The following FANCL variants were observed in gnomAD, a reference collection of about 807,000 sequenced individuals.
FANCL encodes the protein FA complementation group L.
In FANCL, 69 loss-of-function variants were observed where a neutral mutation model predicts 59.4. That is an observed-to-expected ratio of 1.16 (90% CI 0.96 to 1.42). FANCL has a LOEUF of 1.42. Ranked by LOEUF, FANCL falls within the 40% of genes most tolerant of loss-of-function variation. The pLI is 0.00. For missense variants in FANCL, 519 were observed against 447.2 expected, an observed-to-expected ratio of 1.16 and a Z score of -1.45; for synonymous variants, 180 against 147.1, an observed-to-expected ratio of 1.22 and a Z score of -1.62.
intron 1 of FANCL, among the ~76,000 whole-genome samples, chr2:58,236,158 A>G (rs1694003049): frequency 2.0e-5 from 3 of 152,132 alleles, no homozygotes; most frequent in Admixed American, 6.5e-5. Context: ...TACGGAGGAA[A>G]AACATGAAAA....
chr2:58,167,960 A>C (rs1686124917), intron 7 of FANCL, among the ~76,000 whole-genome samples: 2 of 152,118 alleles, frequency 1.3e-5, no homozygotes, highest in Admixed American at 6.6e-5. Flanking sequence ...CCTTATTTTG[A>C]ATTTTTTCCC....
chr2:58,178,923 T>C (rs1207212693), intron 7 of FANCL, among the ~76,000 whole-genome samples: 1 of 152,076 alleles, frequency 6.6e-6, no homozygotes, highest in Non-Finnish European at 1.5e-5. Context: ...TCACAAGCAT[T>C]CTTATACACC....
chr2:58,171,994 T>C (rs1025489369), intron 7 of FANCL, among the ~76,000 whole-genome samples: 6 of 152,340 alleles, frequency 3.9e-5, no homozygotes, highest in African/African-American at 1.2e-4. Context: ...GCCTCCTTCA[T>C]TGCTAGCACA....
Position 58,189,203 on chromosome 2 carries a change from A to G in FANCL, c.540+9391T>C, listed in dbSNP as rs1366415873. On this transcript the variant is annotated intron_variant, in intron 7 of 13. Coordinates refer to ENST00000233741, the MANE Select transcript of FANCL (RefSeq NM_018062.4). The stretch of plus-strand genomic sequence containing the variant: ...TGTGGTGACAATTTAATGTGTGTAG[A>G]TATTTGTCAAAACTCAGCAAAGTGT... Among the ~76,000 whole-genome samples, 3 of 152,158 alleles carry G rather than the reference A, an allele frequency of 2.0e-5. No homozygotes were observed. In the East Asian group the frequency reaches 5.8e-4, roughly 29 times the overall value.
At chr2:58,222,105 G>T in intron 4 of FANCL, 63 bp from the exon 5 acceptor site, 3 of 1,131,944 alleles carry the variant, frequency 2.7e-6, no homozygotes, top group Non-Finnish European at 4.0e-6. Context: ...GTTAATACCT[G>T]ATTGCAAAAC....
chr2:58,230,141 T>C (rs968817800), intron 2 of FANCL, among the ~76,000 whole-genome samples: 2 of 152,212 alleles, frequency 1.3e-5, no homozygotes, highest in African/African-American at 4.8e-5. Flanking sequence ...GAAGCAAAGT[T>C]TTCCACTGAA....
intron 4 of FANCL, among the ~76,000 whole-genome samples, chr2:58,224,341 A>C (rs1295575870): frequency 6.6e-6 from 1 of 151,902 alleles, no homozygotes; most frequent in Non-Finnish European, 1.5e-5. Flanking sequence ...GATGTAAACC[A>C]AATATGCTTC....
chr2:58,208,568 T>C (rs1363007020), intron 5 of FANCL, among the ~76,000 whole-genome samples: 1 of 152,192 alleles, frequency 6.6e-6, no homozygotes, highest in Non-Finnish European at 1.5e-5. Flanking sequence ...TTAAGTTATT[T>C]AGCTTTTATT....
chr2:58,240,110 TAAAAAA>T (rs79031739), intron 1 of FANCL, among the ~76,000 whole-genome samples: 4 of 130,682 alleles, frequency 3.1e-5, no homozygotes, highest in Non-Finnish European at 3.3e-5. Flanking sequence ...ATGCTTCCTG[TAAAAAA>T]AAAAAAAAAA....
intron 5 of FANCL, among the ~76,000 whole-genome samples, chr2:58,210,821 A>G (rs1216467829): frequency 6.6e-6 from 1 of 152,114 alleles, no homozygotes; most frequent in African/African-American, 2.4e-5. Context: ...CTCCAAAATG[A>G]TCTCCTTTGA....
intron 5 of FANCL, among the ~76,000 whole-genome samples, chr2:58,219,161 AAAAAAAAAAAATATATATATATAT>A (rs1181066554): frequency 1.1e-5 from 1 of 91,582 alleles, no homozygotes; most frequent in African/African-American, 6.5e-5. Flanking sequence ...AAAAAAAAAA[AAAAAAAAAAAATATATATATATAT>A]ATATATATAT....
At chr2:58,193,781 GTGTT>G (rs1458171162) in intron 7 of FANCL, among the ~76,000 whole-genome samples, 1 of 152,046 alleles carries the variant, frequency 6.6e-6, no homozygotes, top group Non-Finnish European at 1.5e-5. Flanking sequence ...CCCCAACACT[GTGTT>G]TGTTTTAAAC....
intron 7 of FANCL, among the ~76,000 whole-genome samples, chr2:58,179,940 A>C (rs1687760727): frequency 6.6e-6 from 1 of 152,206 alleles, no homozygotes; most frequent in Non-Finnish European, 1.5e-5. Context: ...TCAAAAGAAC[A>C]CATTTATGCG....
chr2:58,237,220 G>A (rs1460731977), intron 1 of FANCL, among the ~76,000 whole-genome samples: 1 of 151,994 alleles, frequency 6.6e-6, no homozygotes, highest in Non-Finnish European at 1.5e-5. Context: ...TATATTATTG[G>A]TCATAAAATT....
intron 12 of FANCL, 48 bp downstream of exon 12, chr2:58,161,474 T>G: frequency 9.0e-7 from 1 of 1,116,226 alleles, no homozygotes; most frequent in Non-Finnish European, 1.4e-6. Context: ...GAATACTTCC[T>G]ATGTTGTGTT....
At chr2:58,181,007 A>G (rs1012445211) in intron 7 of FANCL, among the ~76,000 whole-genome samples, 1 of 152,014 alleles carries the variant, frequency 6.6e-6, no homozygotes, top group African/African-American at 2.4e-5. Flanking sequence ...AGATTTGACA[A>G]TTTCTTTAAG....
intron 7 of FANCL, among the ~76,000 whole-genome samples, chr2:58,184,536 C>T (rs1688221061): frequency 6.6e-6 from 1 of 151,894 alleles, no homozygotes; most frequent in Admixed American, 6.6e-5. Context: ...GTTAGATCTG[C>T]TAATCAAAGC....
chr2:58,172,754 C>T (rs1347286788), intron 7 of FANCL, among the ~76,000 whole-genome samples: 4 of 152,214 alleles, frequency 2.6e-5, no homozygotes, highest in African/African-American at 9.6e-5. Context: ...AGGAACACAG[C>T]TCCTCACCAG....
At chr2:58,174,194 A>G (rs969661785) in intron 7 of FANCL, among the ~76,000 whole-genome samples, 5 of 152,136 alleles carry the variant, frequency 3.3e-5, no homozygotes, top group African/African-American at 1.2e-4. Flanking sequence ...TAATGGGAGA[A>G]TTTAACACCC....
Sources: gnomAD v4.1 joint callset for allele counts (sites outside exome capture counted in the v4.1 genomes callset) on GRCh38, gnomAD v4.1.1 for gene constraint, MANE v1.5 for transcripts, NCBI Gene and HGNC (gene_info 2026-07-23, HGNC 2026-07-21) for gene names.